Variants in NEDD9 observed in about 807,000 individuals in gnomAD.
The protein encoded by NEDD9 is neural precursor cell expressed, developmentally down-regulated 9, also known as enhancer of filamentation 1.
Under a neutral mutation model 76.6 loss-of-function variants are expected in NEDD9, and 26 were observed. The ratio of observed to expected loss-of-function variants is 0.34; its 90% CI spans 0.25 to 0.47. The LOEUF is 0.47. NEDD9 is among the 20% of genes least tolerant of loss of function. The pLI, the probability that NEDD9 is intolerant of heterozygous loss-of-function variation, is 1.00. For missense variants in NEDD9, 937 were observed against 1,058.5 expected (o/e 0.89, Z 1.59); for synonymous variants, 392 against 414.2 (o/e 0.95, Z 0.65).
intron 2 of NEDD9, among the ~76,000 whole-genome samples, chr6:11,205,518 G>T (rs1053558530): frequency 6.6e-6 from 1 of 152,126 alleles, no homozygotes; most frequent in African/African-American, 2.4e-5. Flanking sequence ...AATCAGAGGC[G>T]ATTGTGGCAT....
At chr6:11,305,893 A>C (rs1306509901) in intron 3 of NEDD9, 2 of 1,431,070 alleles carry the variant, frequency 1.4e-6, no homozygotes, top group East Asian at 2.3e-5. Context: ...CCCGTATGAC[A>C]AAAAAACATG....
At chr6:11,276,395 G>T (rs1164731639) in intron 3 of NEDD9, among the ~76,000 whole-genome samples, 4 of 152,136 alleles carry the variant, frequency 2.6e-5, no homozygotes, top group Admixed American at 6.5e-5. Context: ...GTGTGTGCGT[G>T]CATGTGTGTG....
chr6:11,304,178 C>G (rs1299098388), intron 3 of NEDD9, among the ~76,000 whole-genome samples: 68 of 152,162 alleles, frequency 4.5e-4, no homozygotes, highest in Admixed American at 4.4e-3. Context: ...CAAAAGAAGA[C>G]ATTTATGCAG....
At chr6:11,246,926 C>G (rs1195545291) in intron 3 of NEDD9, among the ~76,000 whole-genome samples, 1 of 152,082 alleles carries the variant, frequency 6.6e-6, no homozygotes, top group Non-Finnish European at 1.5e-5. Flanking sequence ...GTTCATGGCT[C>G]CAGGGCTTCA....
chr6:11,208,279 G>C (rs987554179), intron 2 of NEDD9, among the ~76,000 whole-genome samples: 5 of 151,886 alleles, frequency 3.3e-5, no homozygotes, highest in African/African-American at 1.2e-4. Flanking sequence ...TAAACTCTCA[G>C]ATAAGCCCTT....
chr6:11,227,172 A>T (rs140787296), intron 1 of NEDD9, among the ~76,000 whole-genome samples: 2 of 152,224 alleles, frequency 1.3e-5, no homozygotes, highest in African/African-American at 4.8e-5. Context: ...TTAGGGCCCT[A>T]TGCTTACAAT....
intron 3 of NEDD9, among the ~76,000 whole-genome samples, chr6:11,299,140 A>G (rs982499038): frequency 3.9e-5 from 6 of 152,126 alleles, no homozygotes; most frequent in Non-Finnish European, 8.8e-5. Context: ...CTGACCAAAT[A>G]CTGTGCTTTT....
intron 1 of NEDD9, among the ~76,000 whole-genome samples, chr6:11,229,585 C>T (rs1759409256): frequency 6.6e-6 from 1 of 152,180 alleles, no homozygotes; most frequent in Non-Finnish European, 1.5e-5. Context: ...ACCCCGCCAG[C>T]CCCCGCCCAA....
chr6:11,197,967 T>A (rs1758329824), intron 2 of NEDD9, among the ~76,000 whole-genome samples: 1 of 152,154 alleles, frequency 6.6e-6, no homozygotes, highest in Non-Finnish European at 1.5e-5. Context: ...TTCTGATGTT[T>A]CTGCATCTGT....
intron 3 of NEDD9, among the ~76,000 whole-genome samples, chr6:11,266,683 G>T (rs1760207877): frequency 6.6e-6 from 1 of 152,156 alleles, no homozygotes; most frequent in South Asian, 2.1e-4. Context: ...TGTCACCTAG[G>T]AATGGGAAGT....
chr6:11,225,502 T>A (rs1379888341), intron 1 of NEDD9, among the ~76,000 whole-genome samples: 1 of 152,112 alleles, frequency 6.6e-6, no homozygotes, highest in Non-Finnish European at 1.5e-5. Context: ...TTTGTTTATT[T>A]GTTTGTTTGT....
At chr6:11,232,413 G>A (rs964026130) in intron 1 of NEDD9, 91 bp downstream of exon 1, 5 of 1,494,376 alleles carry the variant, frequency 3.3e-6, no homozygotes, top group Admixed American at 3.4e-5. Flanking sequence ...GACACACAAG[G>A]GACTGACAGT....
chr6:11,195,639 A>G (rs1758273844), intron 2 of NEDD9, among the ~76,000 whole-genome samples: 1 of 152,222 alleles, frequency 6.6e-6, no homozygotes, highest in Admixed American at 6.5e-5. Flanking sequence ...CCAACTTAGC[A>G]ATAATGCTAA....
chr6:11,363,377 G>A (rs904053970), intron 1 of NEDD9, among the ~76,000 whole-genome samples: 1 of 152,136 alleles, frequency 6.6e-6, no homozygotes, highest in Non-Finnish European at 1.5e-5. Context: ...ATTACGGCGA[G>A]ATGATTCACT....
At chr6:11,284,625 A>C (rs75900977) in intron 3 of NEDD9, among the ~76,000 whole-genome samples, 1,743 of 151,624 alleles carry the variant, frequency 0.011, 38 homozygotes, top group African/African-American at 0.04. Context: ...AATTCAGTTC[A>C]GCTTCGGTTA....
At chr6:11,254,321 A>C (rs142520148) in intron 3 of NEDD9, among the ~76,000 whole-genome samples, 3,453 of 152,070 alleles carry the variant, frequency 0.023, 71 homozygotes, top group East Asian at 0.12. Flanking sequence ...GGGTTTCGCC[A>C]TATTGGCCAG....
At position 11,213,835 on chromosome 6, in the gene NEDD9, G is replaced by A; in HGVS notation, c.13-108C>T. ...AGGCACACTTCCTGGAAAGAGAGAA[G>A]CATAAATCTGAACAATAGACTGTAA... On this transcript the variant is annotated intron_variant, in intron 1 of 6. Transcript: ENST00000379446. The surrounding 1 kb of genome is among the most constrained non-coding windows in gnomAD (Gnocchi z 5.4). 1 of 972,486 alleles carries A rather than the reference G, an allele frequency of 1.0e-6. No individual in the cohort carries two copies. The highest frequency in any genetic ancestry group is 1.6e-5 in the South Asian group (1 of 62,748). The allele number at this position is 972,486 out of a possible 1,614,324, so 60.2% of individuals were successfully genotyped here.
intron 2 of NEDD9, among the ~76,000 whole-genome samples, chr6:11,327,239 A>T (rs74323285): frequency 0.015 from 2,243 of 152,284 alleles, 70 homozygotes; most frequent in African/African-American, 0.051. Context: ...TCCTTTTACC[A>T]CTAAGGACCT....
At chr6:11,255,893 G>A (rs1759994819) in intron 3 of NEDD9, among the ~76,000 whole-genome samples, 1 of 152,144 alleles carries the variant, frequency 6.6e-6, no homozygotes, top group African/African-American at 2.4e-5. Context: ...GGAGGCTACT[G>A]CAGAAATTTG....
Sources: allele counts gnomAD v4.1 joint callset (sites outside exome capture counted in the v4.1 genomes callset), GRCh38; gene constraint gnomAD v4.1.1; non-coding constraint Gnocchi (gnomAD v3.1); transcripts MANE v1.5; gene names NCBI Gene and HGNC (gene_info 2026-07-23, HGNC 2026-07-21).